Variants in HSDL2 observed in about 807,000 individuals in gnomAD.
The protein encoded by HSDL2 is hydroxysteroid dehydrogenase like 2, also known as hydroxysteroid dehydrogenase-like protein 2.
Under a neutral mutation model 46.3 loss-of-function variants are expected in HSDL2, and 27 were observed. That is an observed-to-expected ratio of 0.58 (90% confidence interval 0.43 to 0.80). HSDL2 has a LOEUF of 0.80. HSDL2 is among the 30% of genes least tolerant of loss of function. HSDL2 has a pLI of 0.00. For missense variants in HSDL2, 451 were observed against 502.7 expected (o/e 0.90, Z 0.98); for synonymous variants, 153 against 163.6 (o/e 0.94, Z 0.50).
chr9:112,425,264 CT>C (rs1564118649), intron 6 of HSDL2, among the ~76,000 whole-genome samples: 1 of 152,010 alleles, frequency 6.6e-6, no homozygotes, highest in Non-Finnish European at 1.5e-5. Context: ...TGTAATGTTC[CT>C]ATCTACTAAG....
chr9:112,387,365 G>A (rs1831239318), intron 1 of HSDL2, among the ~76,000 whole-genome samples: 1 of 151,860 alleles, frequency 6.6e-6, no homozygotes, highest in South Asian at 2.1e-4. Flanking sequence ...GACTATGGGT[G>A]CGTACCACAT....
intron 10 of HSDL2, among the ~76,000 whole-genome samples, chr9:112,468,506 G>A (rs1362436247): frequency 6.6e-6 from 1 of 151,840 alleles, no homozygotes; most frequent in African/African-American, 2.4e-5. Context: ...GTTTTCTGAT[G>A]GTTTTTCTTC....
chr9:112,468,469 A>G (rs1833459992), intron 10 of HSDL2, among the ~76,000 whole-genome samples: 1 of 151,956 alleles, frequency 6.6e-6, no homozygotes, highest in African/African-American at 2.4e-5. Flanking sequence ...TTGTTGACTA[A>G]AATTTTACTT....
At chr9:112,453,913 GGT>G (rs1357880975) in intron 8 of HSDL2, 98 bp from the exon 9 acceptor site, 1 of 1,142,746 alleles carries the variant, frequency 8.8e-7, no homozygotes, top group Non-Finnish European at 1.2e-6. Flanking sequence ...TGGTCAAATA[GGT>G]CTAATTGGTG....
chr9:112,419,011 A>G, intron 6 of HSDL2, 53 bp downstream of exon 6: 2 of 942,462 alleles, frequency 2.1e-6, no homozygotes, highest in South Asian at 2.6e-5. Context: ...TGTCCTTGAC[A>G]CTTATTATTA....
intron 1 of HSDL2, among the ~76,000 whole-genome samples, chr9:112,381,978 C>G (rs141109717): frequency 0.052 from 7,890 of 152,266 alleles, 536 homozygotes; most frequent in African/African-American, 0.15. Context: ...TGGCTCACGC[C>G]TGTAGTCCCA....
In HSDL2 at chr9:112,390,065, A is replaced by AAAGTAAAT. The variant is rs60257310; in HGVS notation, c.17+9887_17+9888insGTAAATAA. ...GGGCAACAGAGTGAGACTCTGTCTCAAAATAAATAAATAAATAAATAAATA... is the reference window on the plus strand; with the variant it reads ...GGGCAACAGAGTGAGACTCTGTCTCAAAGTAAATAAATAAATAAATAAATAAATAAATA... On this transcript the variant is annotated intron_variant, in intron 1 of 10. Transcript: ENST00000398805. Among the ~76,000 whole-genome samples, 421 of 143,252 alleles carry AAAGTAAAT rather than the reference A, an allele frequency of 2.9e-3. 2 individuals carry two copies. Among genetic ancestry groups the AAAGTAAAT allele is most frequent in the African/African-American group, 0.01 (390 of 38,372 alleles). The allele number at this position is 143,252 out of a possible 152,430, so 94.0% of individuals were successfully genotyped here. A position where few individuals can be genotyped will look rare whatever the true frequency, so the allele number is the denominator to read the frequency against.
At chr9:112,383,108 C>G (rs554524309) in intron 1 of HSDL2, among the ~76,000 whole-genome samples, 5 of 151,752 alleles carry the variant, frequency 3.3e-5, no homozygotes, top group African/African-American at 1.2e-4. Flanking sequence ...GAATCTTGCT[C>G]TGTTGCCCAG....
At chr9:112,442,813 G>A (rs2132676164) in intron 8 of HSDL2, among the ~76,000 whole-genome samples, 1 of 151,724 alleles carries the variant, frequency 6.6e-6, no homozygotes, top group Non-Finnish European at 1.5e-5. Flanking sequence ...GCAAATCTGT[G>A]GCACCTTACT....
chr9:112,380,906 G>C (rs1006449192), intron 1 of HSDL2, among the ~76,000 whole-genome samples: 1 of 152,210 alleles, frequency 6.6e-6, no homozygotes, highest in African/African-American at 2.4e-5. Flanking sequence ...GGTATCTTGA[G>C]TTGAGTGACG....
chr9:112,452,084 C>T (rs571806457), intron 8 of HSDL2, among the ~76,000 whole-genome samples: 2 of 152,274 alleles, frequency 1.3e-5, no homozygotes, highest in African/African-American at 4.8e-5. Flanking sequence ...AATAATAAAA[C>T]AGGCTAAAAA....
chr9:112,384,991 G>A (rs562664670), intron 1 of HSDL2, among the ~76,000 whole-genome samples: 75 of 152,040 alleles, frequency 4.9e-4, no homozygotes, highest in East Asian at 1.9e-4. Context: ...ATTGTTTTTC[G>A]TCTTTTAACC....
At chr9:112,387,885 G>A (rs1831251251) in intron 1 of HSDL2, among the ~76,000 whole-genome samples, 1 of 152,134 alleles carries the variant, frequency 6.6e-6, no homozygotes, top group African/African-American at 2.4e-5. Context: ...TCAGCCAGGG[G>A]TGGTGGCTCA....
chr9:112,400,866 CCTT>C (rs1186800380), intron 1 of HSDL2, among the ~76,000 whole-genome samples: 2 of 152,158 alleles, frequency 1.3e-5, no homozygotes, highest in South Asian at 2.1e-4. Context: ...ACATAGTCTT[CCTT>C]CTTCTTAGAA....
intron 4 of HSDL2, among the ~76,000 whole-genome samples, chr9:112,413,784 G>A (rs777204566): frequency 3.6e-4 from 55 of 152,120 alleles, no homozygotes; most frequent in African/African-American, 1.2e-3. Context: ...CAGCAAGGCC[G>A]TTTTTATACT....
chr9:112,437,509 A>T (rs1792846999), intron 6 of HSDL2, among the ~76,000 whole-genome samples: 1 of 152,048 alleles, frequency 6.6e-6, no homozygotes, highest in Non-Finnish European at 1.5e-5. Context: ...GTGGTCCCTA[A>T]AGTAATGGTG....
Position 112,458,388 on chromosome 9 carries a change from C to T in HSDL2, c.1016-1061C>T, listed in dbSNP as rs375251160. Among the ~76,000 whole-genome samples the T allele has an allele frequency of 3.1e-4, 47 of 149,974 alleles. No homozygotes were observed. In the East Asian group the frequency reaches 7.8e-3, roughly 25 times the overall value. ...TGCCCCAAGCTGGAGTGCAATGGCG[C>T]GATCTTGGCTCACTGCAACCTCTGC... is the stretch of plus-strand genomic sequence containing the variant. On this transcript the variant is annotated intron_variant, in intron 9 of 10. Transcript: ENST00000398805.
intron 8 of HSDL2, among the ~76,000 whole-genome samples, chr9:112,450,626 C>CAAAAA (rs56114018): frequency 0.013 from 1,614 of 120,570 alleles, 58 homozygotes; most frequent in African/African-American, 0.05. Context: ...AAGACTGCCT[C>CAAAAA]AAAAAAAAAA....
intron 7 of HSDL2, among the ~76,000 whole-genome samples, chr9:112,440,931 C>T (rs1189220288): frequency 6.6e-6 from 1 of 152,174 alleles, no homozygotes; most frequent in Non-Finnish European, 1.5e-5. Context: ...TTGCTTGAAC[C>T]TGGGAGGCAG....
Sources: allele counts gnomAD v4.1 joint callset (sites outside exome capture counted in the v4.1 genomes callset), GRCh38; gene constraint gnomAD v4.1.1; transcripts MANE v1.5; gene names NCBI Gene and HGNC (gene_info 2026-07-23, HGNC 2026-07-21).